Variants in NTRK2 observed in about 807,000 individuals in gnomAD.
NTRK2 encodes the protein BDNF/NT-3 growth factors receptor.
NTRK2 carries 13 observed loss-of-function variants against 94.5 expected under a neutral mutation model. The ratio of observed to expected loss-of-function variants is 0.14; its 90% CI spans 0.09 to 0.22. The LOEUF (loss-of-function observed/expected upper bound fraction) is 0.22. NTRK2 is among the 10% of genes least tolerant of loss of function. The probability of loss-of-function intolerance (pLI) is 1.00; values close to 1 mark genes in which losing one functional copy is unlikely to be tolerated. For missense variants in NTRK2, 639 were observed against 1,071.2 expected, an observed-to-expected ratio of 0.60 and a Z score of 5.63; for synonymous variants, 372 against 407.4, an observed-to-expected ratio of 0.91 and a Z score of 1.05.
intron 14 of NTRK2, among the ~76,000 whole-genome samples, chr9:84,879,178 C>T (rs1321564369): frequency 7.9e-5 from 12 of 151,446 alleles, no homozygotes; most frequent in East Asian, 3.9e-4. Context: ...GAGAGAGAGA[C>T]GGAGAGTGAG....
intron 12 of NTRK2, among the ~76,000 whole-genome samples, chr9:84,840,736 C>G (rs373527917): frequency 6.6e-6 from 1 of 152,186 alleles, no homozygotes; most frequent in Non-Finnish European, 1.5e-5. Context: ...ACAACCTTCT[C>G]TCGAAAGGGT....
intron 17 of NTRK2, among the ~76,000 whole-genome samples, chr9:85,004,910 A>G (rs1830785289): frequency 6.6e-6 from 1 of 152,218 alleles, no homozygotes; most frequent in Non-Finnish European, 1.5e-5. Context: ...AGAAGCATGC[A>G]GAGACCATTT....
chr9:85,009,924 G>A (rs1473353577), intron 17 of NTRK2, among the ~76,000 whole-genome samples: 1 of 152,180 alleles, frequency 6.6e-6, no homozygotes, highest in Non-Finnish European at 1.5e-5. Flanking sequence ...GAGGAAAGAA[G>A]AACTTACTCA....
At chr9:84,990,900 C>G (rs2133315064) in intron 17 of NTRK2, among the ~76,000 whole-genome samples, 1 of 152,200 alleles carries the variant, frequency 6.6e-6, no homozygotes, top group Admixed American at 6.5e-5. Flanking sequence ...AGGATCACCC[C>G]CACCCCTCAC....
chr9:84,795,863 T>G (rs1166456393), intron 12 of NTRK2, among the ~76,000 whole-genome samples: 1 of 152,202 alleles, frequency 6.6e-6, no homozygotes, highest in African/African-American at 2.4e-5. Context: ...ATGGCTCTGT[T>G]GGGCTGCAAG....
chr9:84,934,543 T>A (rs1484157537), intron 15 of NTRK2, among the ~76,000 whole-genome samples: 2 of 152,172 alleles, frequency 1.3e-5, no homozygotes, highest in African/African-American at 4.8e-5. Flanking sequence ...CTCTTCCAAG[T>A]CCATGCTAAC....
chr9:84,706,527 GT>G (rs71369141), intron 4 of NTRK2, among the ~76,000 whole-genome samples: 301 of 81,674 alleles, frequency 3.7e-3, no homozygotes, highest in African/African-American at 9.2e-3. Flanking sequence ...TTTTGTTTTT[GT>G]TTTTTTTTTT....
At chr9:84,765,604 G>A (rs1564218345) in intron 12 of NTRK2, among the ~76,000 whole-genome samples, 1 of 152,160 alleles carries the variant, frequency 6.6e-6, no homozygotes. Context: ...GTTTTCTGCT[G>A]TGAAACTAAG....
chr9:84,729,305 G>A (rs2062679544), intron 9 of NTRK2, among the ~76,000 whole-genome samples: 1 of 152,184 alleles, frequency 6.6e-6, no homozygotes, highest in Non-Finnish European at 1.5e-5. Flanking sequence ...CCCTTCAGGA[G>A]CACATAAAAC....
intron 17 of NTRK2, among the ~76,000 whole-genome samples, chr9:84,986,679 G>A (rs1828353413): frequency 6.7e-6 from 1 of 148,474 alleles, no homozygotes; most frequent in South Asian, 2.1e-4. Context: ...CATCTCATTT[G>A]TTGACAGACT....
intron 12 of NTRK2, among the ~76,000 whole-genome samples, chr9:84,827,324 C>A (rs555627236): frequency 6.6e-6 from 1 of 152,312 alleles, no homozygotes; most frequent in Non-Finnish European, 1.5e-5. Flanking sequence ...TTCATTCAAC[C>A]ATGCATTTAA....
intron 12 of NTRK2, among the ~76,000 whole-genome samples, chr9:84,802,156 A>T (rs1179608410): frequency 1.3e-5 from 2 of 152,226 alleles, no homozygotes; most frequent in Non-Finnish European, 2.9e-5. Flanking sequence ...TTTTTATTTT[A>T]AAAAATCTAA....
intron 4 of NTRK2, among the ~76,000 whole-genome samples, chr9:84,705,782 CTTTTTTTTT>C (rs36124860): frequency 9.1e-6 from 1 of 109,620 alleles, no homozygotes; most frequent in Admixed American, 1.1e-4. Flanking sequence ...GAAACCCATT[CTTTTTTTTT>C]TTTTTTTTTT....
chr9:84,944,598 C>T (rs2078531707), intron 15 of NTRK2, among the ~76,000 whole-genome samples: 1 of 152,168 alleles, frequency 6.6e-6, no homozygotes, highest in Non-Finnish European at 1.5e-5. Flanking sequence ...TGACTCAGAC[C>T]ATCCTCTGTA....
At chr9:84,977,041 A>T (rs1231363346) in intron 17 of NTRK2, among the ~76,000 whole-genome samples, 1 of 152,256 alleles carries the variant, frequency 6.6e-6, no homozygotes, top group Non-Finnish European at 1.5e-5. Flanking sequence ...GAATTAGCTG[A>T]ATTAGCTGCA....
At chr9:84,756,387 G>A (rs1241778475) in intron 12 of NTRK2, among the ~76,000 whole-genome samples, 3 of 152,218 alleles carry the variant, frequency 2.0e-5, no homozygotes, top group African/African-American at 4.8e-5. Context: ...GCATTGAGGA[G>A]CACCAGAGCT....
intron 17 of NTRK2, among the ~76,000 whole-genome samples, chr9:84,968,009 A>G (rs970978214): frequency 6.6e-6 from 1 of 151,918 alleles, no homozygotes; most frequent in Non-Finnish European, 1.5e-5. Context: ...ACCTTAGAAG[A>G]CTCCTGTTAA....
At chr9:84,724,508 CT>C in intron 8 of NTRK2, 152 bp downstream of exon 8, 1 of 913,136 alleles carries the variant, frequency 1.1e-6, no homozygotes, top group Non-Finnish European at 1.8e-6. Flanking sequence ...TTATCAGCCT[CT>C]TTTACTGTTC....
Position 84,763,054 on chromosome 9 carries a change from A to C in NTRK2, c.1396+10969A>C, listed in dbSNP as rs900478538. On this transcript the variant is annotated intron_variant, in intron 12 of 18. Transcript: ENST00000277120. ...CTGCCACCTTCATATGTGTCTCCGC[A>C]AGGGTGTCTTTGCAGCTTTGGGGAC... 2.0e-5 allele frequency among the ~76,000 whole-genome samples: 3 copies of C among 152,098 alleles called. No homozygotes were observed. In the South Asian group the frequency reaches 6.2e-4, roughly 32 times the overall value.
Sources: gnomAD v4.1 joint callset for allele counts (sites outside exome capture counted in the v4.1 genomes callset) on GRCh38, gnomAD v4.1.1 for gene constraint, MANE v1.5 for transcripts, NCBI Gene and HGNC (gene_info 2026-07-23, HGNC 2026-07-21) for gene names.